KCNK3: variants seen among roughly 807,000 people sequenced by gnomAD.
KCNK3 encodes the protein potassium two pore domain channel subfamily K member 3.
KCNK3 carries 9 observed loss-of-function variants against 27.3 expected under a neutral mutation model. The observed-to-expected ratio is 0.33, with a 90% confidence interval of 0.20 to 0.57. The LOEUF (loss-of-function observed/expected upper bound fraction) is 0.57. KCNK3 is among the 20% of genes least tolerant of loss of function. The pLI, the probability that KCNK3 is intolerant of heterozygous loss-of-function variation, is 0.87. For synonymous variants in KCNK3, 278 were observed against 273.8 expected (o/e 1.02, Z -0.15); for missense variants, 391 against 577.7 (o/e 0.68, Z 3.31).
At chr2:26,726,743 G>A (rs1212207623) in intron 1 of KCNK3, among the ~76,000 whole-genome samples, 1 of 137,218 alleles carries the variant, frequency 7.3e-6, no homozygotes, top group Non-Finnish European at 1.6e-5. Context: ...GGTGCAGAGG[G>A]AACATTTGCC....
chr2:26,714,189 C>T (rs1025315788), intron 1 of KCNK3, among the ~76,000 whole-genome samples: 1 of 152,028 alleles, frequency 6.6e-6, no homozygotes, highest in African/African-American at 2.4e-5. Flanking sequence ...ATTTTACATG[C>T]TGTCTTCTAA....
At chr2:26,703,868 G>A (rs928805740) in intron 1 of KCNK3, among the ~76,000 whole-genome samples, 10 of 152,174 alleles carry the variant, frequency 6.6e-5, no homozygotes, top group Admixed American at 2.6e-4. Flanking sequence ...AGCTTTCTGC[G>A]GTGAGCATGA....
At chr2:26,696,072 G>T (rs75029476) in intron 1 of KCNK3, among the ~76,000 whole-genome samples, 4,429 of 152,334 alleles carry the variant, frequency 0.029, 98 homozygotes, top group Non-Finnish European at 0.047. Flanking sequence ...GCAGCAGCCT[G>T]TGTTCACCTG....
chr2:26,704,936 T>C (rs954983849), intron 1 of KCNK3, among the ~76,000 whole-genome samples: 1 of 152,074 alleles, frequency 6.6e-6, no homozygotes, highest in Non-Finnish European at 1.5e-5. Context: ...CCAATCCTCA[T>C]GGCTGCCCTA....
In KCNK3 at chr2:26,728,816, G is replaced by A; in HGVS notation, c.*248G>A. The A allele has an allele frequency of 2.5e-6, 1 of 396,112 alleles. No individual in the cohort carries two copies. The highest frequency in any genetic ancestry group is 3.7e-5 in the East Asian group (1 of 27,376). 24.5% of individuals were successfully genotyped at this position (396,112 alleles called of 1,614,324 possible). A position where few individuals can be genotyped will look rare whatever the true frequency, so the allele number is the denominator to read the frequency against. On this transcript the variant is annotated 3_prime_UTR_variant, in exon 2 of 2. Transcript: ENST00000302909. ...GAAATGTGAAACTTGGTGGGGTCAG[G>A]GAGGAAAGGCAGAAGCTGGGAGCCT...
intron 1 of KCNK3, among the ~76,000 whole-genome samples, chr2:26,695,136 C>T (rs913494149): frequency 6.6e-6 from 1 of 152,206 alleles, no homozygotes; most frequent in Admixed American, 6.5e-5. Context: ...CTTATGTGAT[C>T]CCTCTCGATA....
At chr2:26,716,646 C>G (rs1001245754) in intron 1 of KCNK3, among the ~76,000 whole-genome samples, 14 of 152,130 alleles carry the variant, frequency 9.2e-5, no homozygotes, top group African/African-American at 3.4e-4. Flanking sequence ...ACACCATGTC[C>G]GCAGCCAGGT....
rs1248166790 is a variant in KCNK3 at position 26,727,821 on chromosome 2, G to T, written c.438G>T (p.Gly146=). The T allele has an allele frequency of 3.1e-6, 5 of 1,611,816 alleles. No homozygotes were observed. The highest frequency in any genetic ancestry group is 4.2e-6 in the Non-Finnish European group (5 of 1,178,190). The change falls in exon 2 of 2, where the codon GGG becomes GGT. Residue 146 remains glycine, a synonymous_variant. Coordinates refer to ENST00000302909, the MANE Select transcript of KCNK3 (RefSeq NM_002246.3). ...ACCTGCTGCACCGCGCCAAGAAGGG[G>T]CTGGGCATGCGGCGCGCCGACGTGT... The part of the protein sequence containing the change: ...VRYLLHRAKK[G]LGMRRADVSM...
intron 1 of KCNK3, among the ~76,000 whole-genome samples, chr2:26,726,318 T>A (rs908738241): frequency 3.3e-5 from 5 of 152,060 alleles, no homozygotes; most frequent in African/African-American, 1.2e-4. Flanking sequence ...TCTATGTAGT[T>A]GGGGATCCTA....
At chr2:26,720,449 A>G (rs1663307891) in intron 1 of KCNK3, among the ~76,000 whole-genome samples, 1 of 152,290 alleles carries the variant, frequency 6.6e-6, no homozygotes. Flanking sequence ...GCTCTAGGCC[A>G]GGCTGTGTCT....
chr2:26,692,903 G>A lies in KCNK3; in HGVS notation c.28G>A (p.Ala10Thr), dbSNP rs1670187610. Residue 10 changes from alanine (A) to threonine (T), a missense_variant, in exon 1 of 2, where the codon GCG becomes ACG. Ala to Thr is a moderately conservative substitution (Grantham distance 58). This residue lies in a region of KCNK3 where 158 missense variants were observed against 267.7 expected (regional missense o/e 0.59). Coordinates refer to ENST00000302909, the MANE Select transcript of KCNK3 (RefSeq NM_002246.3). This position sits in a 1 kb window ranked among gnomAD's most constrained non-coding sequence, Gnocchi z 5.6. Reference protein sequence around the residue: MKRQNVRTLALIVCTFTYLL... With the variant: MKRQNVRTLTLIVCTFTYLL... ...GAAGCGGCAGAACGTGCGCACGCTGGCGCTCATCGTGTGCACCTTCACCTA... is the reference window on the plus strand; with the variant it reads ...GAAGCGGCAGAACGTGCGCACGCTGACGCTCATCGTGTGCACCTTCACCTA... 6.7e-7 allele frequency: 1 copy of A among 1,488,942 alleles called. No individual in the cohort carries two copies. The highest frequency in any genetic ancestry group is 8.9e-7 in the Non-Finnish European group (1 of 1,118,270). The allele number at this position is 1,488,942 out of a possible 1,614,324, so 92.2% of individuals were successfully genotyped here. A position where few individuals can be genotyped will look rare whatever the true frequency, so the allele number is the denominator to read the frequency against.
chr2:26,699,249 G>GAAAGAAAGAAAGAAAA (rs1558594828), intron 1 of KCNK3, among the ~76,000 whole-genome samples: 1 of 147,424 alleles, frequency 6.8e-6, no homozygotes, highest in African/African-American at 2.7e-5. Flanking sequence ...AAGAAAGAAA[G>GAAAGAAAGAAAGAAAA]AAAGCCAGCC....
At chr2:26,699,618 G>A (rs986472019) in intron 1 of KCNK3, among the ~76,000 whole-genome samples, 2 of 152,240 alleles carry the variant, frequency 1.3e-5, no homozygotes, top group Admixed American at 6.5e-5. Flanking sequence ...CCAGCAGCAA[G>A]TGGAGACCAG....
intron 1 of KCNK3, among the ~76,000 whole-genome samples, chr2:26,708,986 C>T (rs1422688748): frequency 6.6e-6 from 1 of 152,160 alleles, no homozygotes; most frequent in Non-Finnish European, 1.5e-5. Flanking sequence ...GGAGACAGCA[C>T]TGGCTGATGG....
chr2:26,724,587 A>G, intron 1 of KCNK3: 3 of 985,352 alleles, frequency 3.0e-6, no homozygotes, highest in South Asian at 9.4e-5. Context: ...CTTAAGCCTC[A>G]GCCTGCGGTA....
Position 26,727,984 on chromosome 2 carries a change from G to A in KCNK3, c.601G>A (p.Gly201Ser), listed in dbSNP as rs1296989441. ...YYCFITLTTI[G>S]FGDYVALQKD... ...CTGCTTCATCACCCTCACCACCATC[G>A]GCTTCGGCGACTACGTGGCGCTGCA... Residue 201 changes from glycine to serine, a missense_variant, in exon 2 of 2, where the codon GGC becomes AGC. By Grantham distance (56) the Gly-to-Ser change is moderately conservative (BLOSUM62 0). This residue lies in a region of KCNK3 where 3 missense variants were observed against 33.5 expected (regional missense o/e 0.09). Transcript: ENST00000302909. The A allele has an allele frequency of 1.2e-6, 2 of 1,614,104 alleles. No individual in the cohort carries two copies. The highest frequency in any genetic ancestry group is 8.5e-7 in the Non-Finnish European group (1 of 1,180,054).
At chr2:26,699,324 T>G (rs1670278828) in intron 1 of KCNK3, among the ~76,000 whole-genome samples, 1 of 152,184 alleles carries the variant, frequency 6.6e-6, no homozygotes, top group Non-Finnish European at 1.5e-5. Flanking sequence ...TCTTTCTGAC[T>G]GTGCCATGCC....
chr2:26,711,083 G>A (rs1663102458), intron 1 of KCNK3, among the ~76,000 whole-genome samples: 1 of 152,184 alleles, frequency 6.6e-6, no homozygotes, highest in African/African-American at 2.4e-5. Flanking sequence ...GCTCCAGGGG[G>A]GTTCTTGCTG....
Position 26,731,701 on chromosome 2 carries a change from C to T in KCNK3, c.*3133C>T, listed in dbSNP as rs1235040215. ...CAGAAGATCCAGATTTTCTTAAGTC[C>T]CCTTGGAACAGACTAAGAAAGGATC... On this transcript the variant is annotated 3_prime_UTR_variant, in exon 2 of 2. Coordinates refer to ENST00000302909, the MANE Select transcript of KCNK3 (RefSeq NM_002246.3). 3 of 152,352 alleles carry T rather than the reference C, an allele frequency of 2.0e-5. No homozygotes were observed. Among genetic ancestry groups the T allele is most frequent in the African/African-American group, 7.2e-5 (3 of 41,584 alleles). 9.4% of individuals were successfully genotyped at this position (152,352 alleles called of 1,614,324 possible). A position where few individuals can be genotyped will look rare whatever the true frequency, so the allele number is the denominator to read the frequency against.
Sources: allele counts gnomAD v4.1 joint callset (sites outside exome capture counted in the v4.1 genomes callset), GRCh38; gene constraint gnomAD v4.1.1; regional missense constraint gnomAD v4.1.1; non-coding constraint Gnocchi (gnomAD v3.1); transcripts MANE v1.5; gene names NCBI Gene and HGNC (gene_info 2026-07-23, HGNC 2026-07-21).